HS2ST1: variants seen among roughly 807,000 people sequenced by gnomAD.
HS2ST1 encodes the protein heparan sulfate 2-O-sulfotransferase 1, also known as 2-O-sulfotransferase.
HS2ST1 carries 18 observed loss-of-function variants against 42.9 expected under a neutral mutation model. That is an observed-to-expected ratio of 0.42 (90% CI 0.29 to 0.62). The LOEUF is 0.62. Among genes scored for constraint, HS2ST1 ranks in the 20% least tolerant of loss-of-function variants. The pLI, the probability that HS2ST1 is intolerant of heterozygous loss-of-function variation, is 0.21. For synonymous variants in HS2ST1, 146 were observed against 152.9 expected (o/e 0.95, Z 0.33); for missense variants, 334 against 433.8 (o/e 0.77, Z 2.04).
intron 1 of HS2ST1, among the ~76,000 whole-genome samples, chr1:87,033,668 C>T (rs1281529151): frequency 6.6e-6 from 1 of 151,984 alleles, no homozygotes; most frequent in Non-Finnish European, 1.5e-5. Context: ...TTCAGCCTCC[C>T]CAGTAGTTGG....
intron 1 of HS2ST1, among the ~76,000 whole-genome samples, chr1:86,984,429 C>T (rs769151911): frequency 1.1e-4 from 16 of 152,038 alleles, no homozygotes; most frequent in Non-Finnish European, 2.1e-4. Flanking sequence ...AGAAGCAATC[C>T]CTGCATTGAA....
In HS2ST1 at chr1:87,026,130, C is replaced by T. The variant is rs574903691; in HGVS notation, c.125-46804C>T. On this transcript the variant is annotated intron_variant, in intron 1 of 6. Transcript: ENST00000370550. ...CTAGTATTCACAGCAAATGTGCAGACGTAACTAAGACATCCCCACACCTCT... is the reference window on the plus strand; with the variant it reads ...CTAGTATTCACAGCAAATGTGCAGATGTAACTAAGACATCCCCACACCTCT... 2.6e-4 allele frequency among the ~76,000 whole-genome samples: 39 copies of T among 152,266 alleles called. 1 individual carries two copies. The South Asian group carries it at 5.4e-3, about 21-fold the overall frequency.
chr1:87,039,017 G>A (rs1426904849), intron 1 of HS2ST1, among the ~76,000 whole-genome samples: 2 of 151,962 alleles, frequency 1.3e-5, no homozygotes, highest in Non-Finnish European at 2.9e-5. Context: ...AAATAAATTA[G>A]TAAAAACAAT....
Position 87,091,003 on chromosome 1 carries a change from C to G in HS2ST1, c.450-1528C>G, listed in dbSNP as rs536773513. Reference sequence around the variant, plus strand: ...ATTCTCCCTCACCTCCCTAGCACTCCTTATTCCCTTTCACTGAATTATTTT... The same window carrying G: ...ATTCTCCCTCACCTCCCTAGCACTCGTTATTCCCTTTCACTGAATTATTTT... On this transcript the variant is annotated intron_variant, in intron 3 of 6. Transcript: ENST00000370550. 1.8e-3 allele frequency among the ~76,000 whole-genome samples: 279 copies of G among 152,114 alleles called. 3 individuals carry two copies. Among genetic ancestry groups the G allele is most frequent in the African/African-American group, 6.4e-3 (266 of 41,524 alleles).
intron 1 of HS2ST1, among the ~76,000 whole-genome samples, chr1:87,071,548 G>A (rs1392687605): frequency 6.6e-6 from 1 of 152,032 alleles, no homozygotes; most frequent in African/African-American, 2.4e-5. Context: ...GGCCAAGATG[G>A]TGAAACCGTG....
intron 1 of HS2ST1, among the ~76,000 whole-genome samples, chr1:87,043,790 T>C (rs1018731026): frequency 6.6e-6 from 1 of 152,106 alleles, no homozygotes; most frequent in Non-Finnish European, 1.5e-5. Flanking sequence ...TCAATAAATA[T>C]ATACAGGAAG....
intron 2 of HS2ST1, 61 bp downstream of exon 2, chr1:87,073,233 G>C: frequency 2.6e-6 from 3 of 1,147,266 alleles, no homozygotes; most frequent in Non-Finnish European, 3.9e-6. Context: ...AAATTTTCTA[G>C]CTCAAGGGGA....
chr1:86,959,382 G>A (rs1221591676), intron 1 of HS2ST1, among the ~76,000 whole-genome samples: 1 of 152,234 alleles, frequency 6.6e-6, no homozygotes, highest in African/African-American at 2.4e-5. Context: ...AGCAGGTTGG[G>A]TGCAGTGGCT....
At chr1:87,092,329 T>C (rs1651966031) in intron 3 of HS2ST1, among the ~76,000 whole-genome samples, 2 of 151,990 alleles carry the variant, frequency 1.3e-5, no homozygotes, top group Admixed American at 1.3e-4. Flanking sequence ...TTTAAATTCA[T>C]ATTTCTTGTT....
At chr1:86,940,931 C>T (rs1368198478) in intron 1 of HS2ST1, among the ~76,000 whole-genome samples, 9 of 151,990 alleles carry the variant, frequency 5.9e-5, no homozygotes, top group East Asian at 1.9e-4. Flanking sequence ...GAGGTGCAGT[C>T]GGGTGAGATG....
At position 86,958,823 on chromosome 1, in the gene HS2ST1, A is replaced by G. The variant is rs376559412; in HGVS notation, c.124+43663A>G. Among the ~76,000 whole-genome samples, 25 of 152,340 alleles carry G rather than the reference A, an allele frequency of 1.6e-4. No individual in the cohort carries two copies. In the East Asian group the frequency reaches 4.6e-3, roughly 28 times the overall value. On this transcript the variant is annotated intron_variant, in intron 1 of 6. Transcript: ENST00000370550. ...AGACCAAAATCTTTTGTGAATATAA[A>G]TGTAAAAATCCTCAACCGAATATTA...
chr1:87,094,204 T>C (rs1043951773), intron 4 of HS2ST1, among the ~76,000 whole-genome samples: 8 of 152,108 alleles, frequency 5.3e-5, no homozygotes, highest in African/African-American at 1.9e-4. Context: ...CAAAGTAATA[T>C]TAGCGTCGGT....
In HS2ST1 at chr1:86,914,986, G is replaced by A. The variant is rs1460564799; in HGVS notation, c.-51G>A. 1 of 1,610,542 alleles carries A rather than the reference G, an allele frequency of 6.2e-7. No homozygotes were observed. Among genetic ancestry groups the A allele is most frequent in the Admixed American group, 1.7e-5 (1 of 59,906 alleles). ...TCCCGGCGTCTCTCTCGCCTCCGGG[G>A]TCCCGCTCCCCGCCCCCCGCGGTAT... is the stretch of plus-strand genomic sequence containing the variant. On this transcript the variant is annotated 5_prime_UTR_variant, in exon 1 of 7. Coordinates refer to ENST00000370550, the MANE Select transcript of HS2ST1 (RefSeq NM_012262.4).
At chr1:87,048,203 A>T (rs1291948888) in intron 1 of HS2ST1, among the ~76,000 whole-genome samples, 1 of 152,164 alleles carries the variant, frequency 6.6e-6, no homozygotes, top group Non-Finnish European at 1.5e-5. Context: ...ATTTCTGATT[A>T]TCTGTTATTA....
rs1649009364 is a variant in HS2ST1, at chr1:86,993,220, G to T, written c.124+78060G>T. ...TCCCCTGTGATAAAAGGTACAGTTT[G>T]TAATGTATGCAACCATACTTAGAAA... On this transcript the variant is annotated intron_variant, in intron 1 of 6. Transcript: ENST00000370550. 3 of 1,440,590 alleles carry T rather than the reference G, an allele frequency of 2.1e-6. No individual in the cohort carries two copies. In the South Asian group the frequency reaches 3.9e-5, roughly 19 times the overall value. 89.2% of individuals were successfully genotyped at this position (1,440,590 alleles called of 1,614,324 possible).
At chr1:87,072,880 T>A in intron 1 of HS2ST1, 54 bp from the exon 2 acceptor site, 1 of 1,275,778 alleles carries the variant, frequency 7.8e-7, no homozygotes, top group Non-Finnish European at 1.1e-6. Flanking sequence ...TCAGTGTTCA[T>A]AACTTCCTTA....
intron 1 of HS2ST1, among the ~76,000 whole-genome samples, chr1:86,933,529 C>T (rs1205407737): frequency 2.0e-5 from 3 of 152,110 alleles, no homozygotes; most frequent in Non-Finnish European, 1.5e-5. Context: ...TCTCTGCCTA[C>T]AGTGGGCATC....
At chr1:87,022,106 G>A (rs1649968475) in intron 1 of HS2ST1, among the ~76,000 whole-genome samples, 1 of 152,272 alleles carries the variant, frequency 6.6e-6, no homozygotes, top group Non-Finnish European at 1.5e-5. Flanking sequence ...CAGCAGGTCT[G>A]TGTTGACAGA....
At chr1:86,922,571 C>T (rs1362648682) in intron 1 of HS2ST1, among the ~76,000 whole-genome samples, 1 of 151,720 alleles carries the variant, frequency 6.6e-6, no homozygotes, top group Non-Finnish European at 1.5e-5. Flanking sequence ...TCTTTATTTG[C>T]TATAGTGTTT....
Sources: gnomAD v4.1 joint callset for allele counts (sites outside exome capture counted in the v4.1 genomes callset) on GRCh38, gnomAD v4.1.1 for gene constraint, MANE v1.5 for transcripts, NCBI Gene and HGNC (gene_info 2026-07-23, HGNC 2026-07-21) for gene names.